Variants in MAMSTR observed in about 807,000 individuals in gnomAD.
The protein encoded by MAMSTR is MEF2 activating motif and SAP domain containing transcriptional regulator.
A neutral mutation model predicts 42.7 loss-of-function variants in MAMSTR; 41 were observed. The ratio of observed to expected loss-of-function variants is 0.96; its 90% CI spans 0.75 to 1.25. MAMSTR has a LOEUF of 1.25. MAMSTR is among the 50% of genes most tolerant of loss of function. The pLI, the probability that MAMSTR is intolerant of heterozygous loss-of-function variation, is 0.00. For missense variants in MAMSTR, 567 were observed against 557.6 expected, an observed-to-expected ratio of 1.02 and a Z score of -0.17; for synonymous variants, 265 against 244.1, an observed-to-expected ratio of 1.09 and a Z score of -0.80.
intron 2 of MAMSTR, 150 bp downstream of exon 2, chr19:48,718,824 C>T (rs1490360623): frequency 2.0e-5 from 15 of 740,474 alleles, no homozygotes; most frequent in African/African-American, 7.0e-5. Context: ...CCACCACAGC[C>T]GGACCCCTGT....
Position 48,714,563 on chromosome 19 carries a change from G to T in MAMSTR, c.529-3C>A, listed in dbSNP as rs1045156080. 5 of 1,464,722 alleles carry T rather than the reference G, an allele frequency of 3.4e-6. No homozygotes were observed. Among genetic ancestry groups the T allele is most frequent in the Non-Finnish European group, 4.5e-6 (5 of 1,121,248 alleles). 90.7% of individuals were successfully genotyped at this position (1,464,722 alleles called of 1,614,324 possible). On this transcript the variant is annotated splice_polypyrimidine_tract_variant and splice_region_variant and intron_variant, in intron 6 of 9. Transcript: ENST00000318083. Reference sequence around the variant, plus strand: ...AGCTGCTGCCGGAGCTCTGAGACCTGGGGAGGGGCGGGGCGTGGGAAGAGG... The same window carrying T: ...AGCTGCTGCCGGAGCTCTGAGACCTTGGGAGGGGCGGGGCGTGGGAAGAGG...
At chr19:48,715,163 G>T in intron 5 of MAMSTR, 99 bp downstream of exon 5, 1 of 1,107,424 alleles carries the variant, frequency 9.0e-7, no homozygotes, top group Non-Finnish European at 1.3e-6. Flanking sequence ...AGAGAGGGTT[G>T]GGGGCCCCAA....
intron 3 of MAMSTR, 102 bp from the exon 4 acceptor site, chr19:48,715,869 G>C (rs2033000095): frequency 6.8e-7 from 1 of 1,476,282 alleles, no homozygotes; most frequent in Non-Finnish European, 8.9e-7. Context: ...CCGGAGGGCA[G>C]GCCAGGGAGC....
intron 2 of MAMSTR, 59 bp from the exon 3 acceptor site, chr19:48,716,802 G>A (rs1340521436): frequency 1.6e-6 from 2 of 1,266,964 alleles, no homozygotes; most frequent in African/African-American, 3.1e-5. Flanking sequence ...CCAGGAGCCT[G>A]GCCTGGCAGG....
At chr19:48,711,739 G>GTTTTTTTTT (rs34890088), downstream of MAMSTR, among the ~76,000 whole-genome samples, 3 of 76,238 alleles carry the variant, frequency 3.9e-5, no homozygotes, top group Non-Finnish European at 6.8e-5. Flanking sequence ...TACCTGGCTA[G>GTTTTTTTTT]TTTTTTTTTT....
chr19:48,708,004 A>C (rs1340200191), downstream of MAMSTR, among the ~76,000 whole-genome samples: 1 of 151,946 alleles, frequency 6.6e-6, no homozygotes, highest in Non-Finnish European at 1.5e-5. Flanking sequence ...GGAGGCCAAG[A>C]CCAGTGGATT....
intron 2 of MAMSTR, among the ~76,000 whole-genome samples, chr19:48,717,340 G>T (rs1206967124): frequency 6.6e-6 from 1 of 151,192 alleles, no homozygotes; most frequent in Non-Finnish European, 1.5e-5. Context: ...TTAGAGACAA[G>T]GTCTCACTCT....
chr19:48,716,843 T>C (rs887830253), intron 2 of MAMSTR, 100 bp from the exon 3 acceptor site: 141 of 1,252,898 alleles, frequency 1.1e-4, no homozygotes, highest in Non-Finnish European at 1.4e-4. Flanking sequence ...TGGCGGGATA[T>C]GCGTGCCCAG....
At chr19:48,706,498 G>A in the MAMSTR span, among the ~76,000 whole-genome samples, 3 of 151,788 alleles carry the variant, frequency 2.0e-5, no homozygotes, top group East Asian at 1.9e-4. Flanking sequence ...TTAGCTAGGC[G>A]TGGTGGTGCA....
At chr19:48,712,503 C>T (rs1385308659), downstream of MAMSTR, among the ~76,000 whole-genome samples, 1 of 151,708 alleles carries the variant, frequency 6.6e-6, no homozygotes, top group Non-Finnish European at 1.5e-5. Context: ...CTCACCACAA[C>T]CTCCGCCTCC....
downstream of MAMSTR, among the ~76,000 whole-genome samples, chr19:48,708,853 T>G (rs116495628): frequency 0.02 from 3,034 of 148,986 alleles, 93 homozygotes; most frequent in African/African-American, 0.069. Flanking sequence ...CAGGAGGGAG[T>G]TGGAGACAGA....
downstream of MAMSTR, among the ~76,000 whole-genome samples, chr19:48,709,755 G>A (rs1298809504): frequency 6.6e-6 from 1 of 152,216 alleles, no homozygotes; most frequent in Non-Finnish European, 1.5e-5. Context: ...CCCTGAGCCA[G>A]GCACCAAAAA....
rs1247451213 is a variant in MAMSTR, at chr19:48,714,361, C to A, written c.723+5G>T. 7.3e-7 allele frequency: 1 copy of A among 1,366,650 alleles called. No homozygotes were observed. The highest frequency in any genetic ancestry group is 3.0e-5 in the East Asian group (1 of 33,242). The allele number at this position is 1,366,650 out of a possible 1,614,324, so 84.7% of individuals were successfully genotyped here. The stretch of plus-strand genomic sequence containing the variant: ...TGGTCCGCAAGCTCATAGCCCCGCC[C>A]TCACCGAGCCCTGACGCCGGGCGGC... On this transcript the variant is annotated splice_donor_5th_base_variant and intron_variant, in intron 7 of 9. Coordinates refer to ENST00000318083, the MANE Select transcript of MAMSTR (RefSeq NM_001130915.2).
At chr19:48,711,206 C>A (rs1030200251), downstream of MAMSTR, among the ~76,000 whole-genome samples, 13 of 152,238 alleles carry the variant, frequency 8.5e-5, no homozygotes, top group African/African-American at 3.1e-4. Flanking sequence ...CTGGTAGCTT[C>A]TGCTCCTGGC....
Position 48,713,462 on chromosome 19 carries a change from G to T in MAMSTR, c.1053C>A (p.Phe351Leu), listed in dbSNP as rs767228252. 2 of 1,612,640 alleles carry T rather than the reference G, an allele frequency of 1.2e-6. No individual in the cohort carries two copies. The highest frequency in any genetic ancestry group is 2.2e-5 in the South Asian group (2 of 90,954). The change falls in exon 10 of 10, where the codon TTC (phenylalanine) becomes TTA (leucine). Residue 351 changes from phenylalanine (F) to leucine (L), a missense_variant. Transcript: ENST00000318083. ...SPDSEGLSSV[F>L]SSSLPSPTNS... The stretch of plus-strand genomic sequence containing the variant: ...TCGTGGGAGACGGGAGTGAAGAGGA[G>T]AAAACAGATGAGAGGCCTTCAGAGT...
intron 2 of MAMSTR, among the ~76,000 whole-genome samples, chr19:48,718,407 G>A (rs973279101): frequency 2.9e-5 from 3 of 101,880 alleles, no homozygotes; most frequent in Non-Finnish European, 5.5e-5. Flanking sequence ...TTTTTTTTGA[G>A]ATGGAGTTTC....
Position 48,716,789 on chromosome 19 carries a change from T to C in MAMSTR, c.59-46A>G, listed in dbSNP as rs192702490. Reference sequence around the variant, plus strand: ...TGGGAGGAGGAAGGCGGGAAGGGAGTGTCCAGGAGCCTGGCCTGGCAGGCT... The same window carrying C: ...TGGGAGGAGGAAGGCGGGAAGGGAGCGTCCAGGAGCCTGGCCTGGCAGGCT... On this transcript the variant is annotated intron_variant, in intron 2 of 9. Coordinates refer to ENST00000318083, the MANE Select transcript of MAMSTR (RefSeq NM_001130915.2). 3.9e-6 allele frequency: 5 copies of C among 1,274,852 alleles called. No individual in the cohort carries two copies. The Admixed American group carries it at 1.6e-4, about 41-fold the overall frequency. The allele number at this position is 1,274,852 out of a possible 1,614,324, so 79.0% of individuals were successfully genotyped here. A position where few individuals can be genotyped will look rare whatever the true frequency, so the allele number is the denominator to read the frequency against.
At chr19:48,716,966 C>T (rs2033066484) in intron 2 of MAMSTR, 7 of 1,170,126 alleles carry the variant, frequency 6.0e-6, no homozygotes, top group South Asian at 4.3e-5. Context: ...TCTGGGGCTA[C>T]GAGCCAGCCA....
chr19:48,716,803 GC>G, intron 2 of MAMSTR, 60 bp from the exon 3 acceptor site: 1 of 1,266,952 alleles, frequency 7.9e-7, no homozygotes, highest in Non-Finnish European at 1.0e-6. Flanking sequence ...CAGGAGCCTG[GC>G]CTGGCAGGCT....
Sources: allele counts gnomAD v4.1 joint callset (sites outside exome capture counted in the v4.1 genomes callset), GRCh38; gene constraint gnomAD v4.1.1; transcripts MANE v1.5; gene names NCBI Gene and HGNC (gene_info 2026-07-23, HGNC 2026-07-21).